SYNJ2: variants seen among roughly 807,000 people sequenced by gnomAD.
SYNJ2 encodes synaptojanin 2.
In SYNJ2, 116 loss-of-function variants were observed where a neutral mutation model predicts 141.3. That is an observed-to-expected ratio of 0.82 (90% CI 0.71 to 0.96). SYNJ2 has a LOEUF of 0.96. Ranked by LOEUF, SYNJ2 falls within the 40% of genes least tolerant of loss-of-function variation. The pLI is 0.00. For synonymous variants in SYNJ2, 745 were observed against 777.7 expected, an observed-to-expected ratio of 0.96 and a Z score of 0.70; for missense variants, 1,873 against 1,934.8, an observed-to-expected ratio of 0.97 and a Z score of 0.60.
rs141538763 is a variant in SYNJ2 at position 158,084,973 on chromosome 6, C to G, written c.3208+799C>G. 1.2e-4 allele frequency among the ~76,000 whole-genome samples: 18 copies of G among 151,346 alleles called. No homozygotes were observed. Among genetic ancestry groups the G allele is most frequent in the African/African-American group, 3.2e-4 (13 of 41,178 alleles). ...TTGTATCATTTTAGACTTCAGAGGG[C>G]CTGAAAGGTCACATTGATTGAACCA... On this transcript the variant is annotated intron_variant, in intron 22 of 26. Transcript: ENST00000355585. This position sits in a 1 kb window ranked among gnomAD's most constrained non-coding sequence, Gnocchi z 5.0.
At chr6:158,034,414 G>A (rs902626049) in intron 4 of SYNJ2, among the ~76,000 whole-genome samples, 1 of 152,228 alleles carries the variant, frequency 6.6e-6, no homozygotes, top group African/African-American at 2.4e-5. Flanking sequence ...GAGTGAAGGC[G>A]TGGCTGTGCG....
chr6:158,007,301 C>A (rs928733173), intron 1 of SYNJ2, among the ~76,000 whole-genome samples: 6 of 152,154 alleles, frequency 3.9e-5, no homozygotes, highest in Non-Finnish European at 8.8e-5. Flanking sequence ...TGCTGGGACG[C>A]CTGGGGGATC....
chr6:158,028,722 G>A lies in SYNJ2; in HGVS notation c.215-34G>A, dbSNP rs377014446. The A allele has an allele frequency of 6.7e-5, 108 of 1,602,510 alleles. No individual in the cohort carries two copies. The African/African-American group carries it at 1.1e-3, about 17-fold the overall frequency. On this transcript the variant is annotated intron_variant, in intron 2 of 26. Transcript: ENST00000355585. ...AGCTCCAGGCGGCCGGGCCGACTTC[G>A]ACCCTGAGCTCTCCTGTCTGATTTC...
chr6:158,060,558 T>A (rs916278763), intron 7 of SYNJ2, among the ~76,000 whole-genome samples: 1 of 152,236 alleles, frequency 6.6e-6, no homozygotes, highest in African/African-American at 2.4e-5. Context: ...CACATGCTCA[T>A]GCTCAGAGCA....
intron 22 of SYNJ2, among the ~76,000 whole-genome samples, chr6:158,085,846 C>T (rs1357263136): frequency 3.3e-5 from 5 of 152,202 alleles, no homozygotes; most frequent in Admixed American, 2.0e-4. Context: ...GCCGGAGCAT[C>T]GCGGTGGTTC....
chr6:158,067,553 GT>G (rs1385535744), intron 12 of SYNJ2: 1 of 985,296 alleles, frequency 1.0e-6, no homozygotes, highest in African/African-American at 1.7e-5. Context: ...TCGGGCCTTG[GT>G]TTTTTTGTTT....
intron 12 of SYNJ2, among the ~76,000 whole-genome samples, chr6:158,068,143 A>T (rs1397449156): frequency 2.5e-4 from 15 of 59,622 alleles, no homozygotes; most frequent in Non-Finnish European, 5.2e-4. Flanking sequence ...TTTTATTTAA[A>T]AAAAAAAAAA....
Position 158,078,254 on chromosome 6 carries a change from G to A in SYNJ2, c.2540G>A (p.Arg847His), listed in dbSNP as rs536966273. The A allele has an allele frequency of 4.5e-5, 72 of 1,613,676 alleles. No homozygotes were observed. Among genetic ancestry groups the A allele is most frequent in the Non-Finnish European group, 5.6e-5 (66 of 1,179,652 alleles). Residue 847 changes from arginine to histidine, a missense_variant, in exon 18 of 27, where the codon CGT becomes CAT. Physicochemically the swap from Arg to His is conservative, Grantham distance 29 (BLOSUM62 0). Coordinates refer to ENST00000355585, the MANE Select transcript of SYNJ2 (RefSeq NM_003898.4). ...WSPGALQYYG[R>H]AELQASDHRP... ...CCTGGTGCCCTGCAGTATTATGGTCGTGCGGAGCTACAAGCGTCTGATCAC... is the reference window on the plus strand; with the variant it reads ...CCTGGTGCCCTGCAGTATTATGGTCATGCGGAGCTACAAGCGTCTGATCAC...
chr6:158,066,343 C>A, intron 11 of SYNJ2, 101 bp from the exon 12 acceptor site: 1 of 1,359,924 alleles, frequency 7.4e-7, no homozygotes, highest in Non-Finnish European at 1.0e-6. Context: ...TCTAGAGGCT[C>A]ATGAACCATC....
upstream of SYNJ2, among the ~76,000 whole-genome samples, chr6:157,981,612 G>A (rs1447826407): frequency 1.3e-5 from 2 of 151,962 alleles, no homozygotes; most frequent in African/African-American, 4.8e-5. The surrounding 1 kb of genome is among the most constrained non-coding windows in gnomAD (Gnocchi z 6.4). Flanking sequence ...GCCCCGCGCG[G>A]GGCATCCTCC....
intron 1 of SYNJ2, among the ~76,000 whole-genome samples, chr6:157,999,043 A>C (rs957899174): frequency 1.3e-5 from 2 of 152,266 alleles, no homozygotes; most frequent in African/African-American, 4.8e-5. Context: ...TGTAACATAG[A>C]AAAAGGCCAA....
At chr6:158,093,208 A>G in intron 26 of SYNJ2, 104 bp downstream of exon 26, 1 of 1,300,864 alleles carries the variant, frequency 7.7e-7, no homozygotes, top group Non-Finnish European at 1.1e-6. Context: ...AGCCGAGGCA[A>G]GCGGATTACG....
intron 4 of SYNJ2, among the ~76,000 whole-genome samples, chr6:158,036,329 AG>A (rs1457259601): frequency 6.6e-6 from 1 of 152,238 alleles, no homozygotes; most frequent in East Asian, 1.9e-4. Flanking sequence ...GATTCCTCAG[AG>A]ACCTACTCAC....
Position 158,033,504 on chromosome 6 carries a change from G to T in SYNJ2, c.535G>T (p.Asp179Tyr). ...GAGGCAGCACCAGGTGAGCTGCTGTGACTGGCTGCTGAAGATCATCTGCGG... is the reference window on the plus strand; with the variant it reads ...GAGGCAGCACCAGGTGAGCTGCTGTTACTGGCTGCTGAAGATCATCTGCGG... ...PLRQHQVSCC[D>Y]WLLKIICGVV... is the part of the protein sequence containing the mutation. Residue 179 changes from aspartate (D) to tyrosine (Y), a missense_variant, in exon 4 of 27, where the codon GAC (aspartate) becomes TAC (tyrosine). Coordinates refer to ENST00000355585, the MANE Select transcript of SYNJ2 (RefSeq NM_003898.4). 6.2e-7 allele frequency: 1 copy of T among 1,614,224 alleles called. No individual in the cohort carries two copies. The highest frequency in any genetic ancestry group is 1.1e-5 in the South Asian group (1 of 91,076).
intron 5 of SYNJ2, among the ~76,000 whole-genome samples, chr6:158,047,774 C>CAAAAAAAAAAAAAAAAAAAAAAAAAAAA (rs58147972): frequency 3.1e-5 from 1 of 32,376 alleles, no homozygotes; most frequent in Non-Finnish European, 5.1e-5. Context: ...GCGACTCTGT[C>CAAAAAAAAAAAAAAAAAAAAAAAAAAAA]AAAAAAAAAA....
chr6:158,079,384 CT>C (rs368589969), intron 18 of SYNJ2: 70,600 of 136,608 alleles, frequency 0.52, 17,589 homozygotes, highest in African/African-American at 0.61. Context: ...ACGAAAAAAC[CT>C]TTTTTTTTTT....
chr6:158,055,988 G>A (rs1329110000), intron 6 of SYNJ2, among the ~76,000 whole-genome samples: 1 of 152,214 alleles, frequency 6.6e-6, no homozygotes, highest in Non-Finnish European at 1.5e-5. Flanking sequence ...TTAGGAAATA[G>A]TGAACATGAA....
intron 1 of SYNJ2, among the ~76,000 whole-genome samples, chr6:158,007,366 C>T (rs1778112432): frequency 6.6e-6 from 1 of 152,232 alleles, no homozygotes; most frequent in Admixed American, 6.5e-5. Flanking sequence ...TGTCGTCAGC[C>T]TCCACGCAGG....
chr6:158,062,800 C>T (rs931084971), intron 8 of SYNJ2, among the ~76,000 whole-genome samples: 2 of 152,150 alleles, frequency 1.3e-5, no homozygotes, highest in Non-Finnish European at 2.9e-5. Context: ...AAACAAGTTT[C>T]CTTTTTAAGA....
Sources: gnomAD v4.1 joint callset for allele counts (sites outside exome capture counted in the v4.1 genomes callset) on GRCh38, gnomAD v4.1.1 for gene constraint, Gnocchi (gnomAD v3.1) non-coding constraint, MANE v1.5 for transcripts, NCBI Gene and HGNC (gene_info 2026-07-23, HGNC 2026-07-21) for gene names.